Variants in PDE4B observed in about 807,000 individuals in gnomAD.
PDE4B encodes 3',5'-cyclic-AMP phosphodiesterase 4B.
Under a neutral mutation model 82.2 loss-of-function variants are expected in PDE4B, and 20 were observed. That is an observed-to-expected ratio of 0.24 (90% CI 0.17 to 0.35). The LOEUF (loss-of-function observed/expected upper bound fraction) is 0.35. PDE4B is among the 10% of genes least tolerant of loss of function. PDE4B has a pLI of 1.00. For synonymous variants in PDE4B, 320 were observed against 318.9 expected (o/e 1.00, Z -0.04); for missense variants, 655 against 907.2 (o/e 0.72, Z 3.57).
At chr1:66,356,210 C>T (rs932738042) in intron 9 of PDE4B, among the ~76,000 whole-genome samples, 1 of 152,186 alleles carries the variant, frequency 6.6e-6, no homozygotes, top group Non-Finnish European at 1.5e-5. Flanking sequence ...CTGCAAGCAG[C>T]CTCGTTCTCT....
chr1:66,043,385 A>G (rs1283962418), intron 3 of PDE4B, among the ~76,000 whole-genome samples: 1 of 151,762 alleles, frequency 6.6e-6, no homozygotes, highest in Non-Finnish European at 1.5e-5. Flanking sequence ...AAAATTTCCC[A>G]AGCTCATGCT....
chr1:66,116,794 G>A (rs1034229260), intron 3 of PDE4B, among the ~76,000 whole-genome samples: 1 of 152,096 alleles, frequency 6.6e-6, no homozygotes, highest in Admixed American at 6.6e-5. Flanking sequence ...CCAGCTCCTG[G>A]GCTCAAGCAA....
intron 3 of PDE4B, among the ~76,000 whole-genome samples, chr1:66,151,774 C>G (rs1402482866): frequency 6.6e-6 from 1 of 152,184 alleles, no homozygotes. Context: ...TGATTCATCT[C>G]TTTATTTCCG....
chr1:65,998,782 G>T (rs552765718), intron 3 of PDE4B, among the ~76,000 whole-genome samples: 1 of 151,580 alleles, frequency 6.6e-6, no homozygotes, highest in African/African-American at 2.4e-5. Flanking sequence ...AGGAGGATGT[G>T]TGTATCTGAG....
At chr1:66,015,140 C>T (rs1037772596) in intron 3 of PDE4B, among the ~76,000 whole-genome samples, 4 of 152,114 alleles carry the variant, frequency 2.6e-5, no homozygotes, top group Non-Finnish European at 5.9e-5. Context: ...TTCTCACTTT[C>T]TTTCACCATA....
chr1:65,904,298 TA>T (rs1028243693), intron 1 of PDE4B, among the ~76,000 whole-genome samples: 27 of 152,178 alleles, frequency 1.8e-4, no homozygotes, highest in African/African-American at 4.3e-4. Context: ...TGTATTAACT[TA>T]AAAAAAATTT....
chr1:66,202,980 T>C (rs1388172550), intron 3 of PDE4B, among the ~76,000 whole-genome samples: 1 of 152,130 alleles, frequency 6.6e-6, no homozygotes, highest in Admixed American at 6.5e-5. Context: ...TTGCAGTGGC[T>C]GATACCGGTT....
intron 3 of PDE4B, among the ~76,000 whole-genome samples, chr1:66,000,856 T>C (rs1380469864): frequency 6.6e-6 from 1 of 152,198 alleles, no homozygotes; most frequent in Non-Finnish European, 1.5e-5. Flanking sequence ...TTTCAAACTG[T>C]ATTTTCTGGA....
At chr1:66,202,107 C>T (rs1649025373) in intron 3 of PDE4B, among the ~76,000 whole-genome samples, 1 of 152,006 alleles carries the variant, frequency 6.6e-6, no homozygotes, top group South Asian at 2.1e-4. Flanking sequence ...GTTATGTACC[C>T]AGTAGTCATT....
rs544870738 is a variant in PDE4B at position 65,992,179 on chromosome 1, T to A, written c.281+73344T>A. On this transcript the variant is annotated intron_variant, in intron 3 of 16. Coordinates refer to ENST00000341517, the MANE Select transcript of PDE4B (RefSeq NM_002600.4). Reference sequence around the variant, plus strand: ...GCAAATCAGCTCTTTCATTCAAAAATGGAATTCAGAAGGCTATTTTAGCTA... The same window carrying A: ...GCAAATCAGCTCTTTCATTCAAAAAAGGAATTCAGAAGGCTATTTTAGCTA... 1.1e-4 allele frequency among the ~76,000 whole-genome samples: 17 copies of A among 152,280 alleles called. 1 individual carries two copies. The South Asian group carries it at 3.5e-3, about 32-fold the overall frequency.
chr1:66,235,620 AG>A (rs1652347392), intron 3 of PDE4B, among the ~76,000 whole-genome samples: 2 of 152,306 alleles, frequency 1.3e-5, no homozygotes, highest in South Asian at 4.1e-4. Flanking sequence ...AGCCACATGT[AG>A]TCAGGTCATG....
chr1:65,863,239 T>C (rs1646474731), intron 1 of PDE4B, among the ~76,000 whole-genome samples: 1 of 152,238 alleles, frequency 6.6e-6, no homozygotes, highest in Non-Finnish European at 1.5e-5. Flanking sequence ...CTTCTTTATT[T>C]CTTCCTTAAT....
intron 3 of PDE4B, among the ~76,000 whole-genome samples, chr1:65,927,045 G>A (rs1647540185): frequency 6.6e-6 from 1 of 151,910 alleles, no homozygotes. Flanking sequence ...AGGAGAGAGG[G>A]AGACTTTTTC....
chr1:66,344,835 C>T (rs534697368), intron 8 of PDE4B, among the ~76,000 whole-genome samples: 7 of 152,236 alleles, frequency 4.6e-5, no homozygotes, highest in South Asian at 2.1e-4. Context: ...TGCATCTGCC[C>T]GAGGGAACAT....
At chr1:66,200,764 T>C (rs919768366) in intron 3 of PDE4B, among the ~76,000 whole-genome samples, 1 of 152,188 alleles carries the variant, frequency 6.6e-6, no homozygotes, top group Non-Finnish European at 1.5e-5. Context: ...AGTGGGGTTT[T>C]CTAGATATAC....
intron 3 of PDE4B, among the ~76,000 whole-genome samples, chr1:66,076,905 T>G (rs545094271): frequency 1.3e-5 from 2 of 152,280 alleles, no homozygotes; most frequent in East Asian, 3.9e-4. Flanking sequence ...TTATAGATTC[T>G]GGATGTTTGG....
intron 3 of PDE4B, among the ~76,000 whole-genome samples, chr1:66,085,024 A>G (rs1480293244): frequency 6.6e-6 from 1 of 152,166 alleles, no homozygotes; most frequent in Non-Finnish European, 1.5e-5. Flanking sequence ...GGATGCACCA[A>G]GTATCACGAT....
chr1:66,126,958 T>C (rs1645836519), intron 3 of PDE4B, among the ~76,000 whole-genome samples: 1 of 152,158 alleles, frequency 6.6e-6, no homozygotes, highest in African/African-American at 2.4e-5. Flanking sequence ...ATGACTAATC[T>C]GTTCTCTTTA....
intron 3 of PDE4B, among the ~76,000 whole-genome samples, chr1:66,154,970 GA>G (rs1356224886): frequency 6.6e-6 from 1 of 152,042 alleles, no homozygotes; most frequent in Non-Finnish European, 1.5e-5. Context: ...TTGAGCCCAG[GA>G]ATTTGAGACC....
Sources: gnomAD v4.1 joint callset for allele counts (sites outside exome capture counted in the v4.1 genomes callset) on GRCh38, gnomAD v4.1.1 for gene constraint, MANE v1.5 for transcripts, NCBI Gene and HGNC (gene_info 2026-07-23, HGNC 2026-07-21) for gene names.